ZNF33A: variants seen among roughly 807,000 people sequenced by gnomAD.
ZNF33A encodes zinc finger protein 33A.
ZNF33A carries 9 observed loss-of-function variants against 15.9 expected under a neutral mutation model. That is an observed-to-expected ratio of 0.57 (90% CI 0.34 to 0.99). The LOEUF (loss-of-function observed/expected upper bound fraction) is 0.99. Ranked by LOEUF, ZNF33A falls within the 50% of genes least tolerant of loss-of-function variation. The pLI, the probability that ZNF33A is intolerant of heterozygous loss-of-function variation, is 0.02. For synonymous variants in ZNF33A, 294 were observed against 324.2 expected (o/e 0.91, Z 1.00); for missense variants, 843 against 941.6 (o/e 0.90, Z 1.37).
intron 4 of ZNF33A, among the ~76,000 whole-genome samples, chr10:38,031,941 A>G (rs1038532420): frequency 3.3e-4 from 51 of 152,266 alleles, no homozygotes; most frequent in Non-Finnish European, 6.0e-4. Context: ...CCAGCCTGGC[A>G]ACACAGCAAG....
At chr10:38,041,816 G>T (rs1035687105) in intron 4 of ZNF33A, among the ~76,000 whole-genome samples, 1 of 152,118 alleles carries the variant, frequency 6.6e-6, no homozygotes, top group Non-Finnish European at 1.5e-5. Flanking sequence ...ACCTGTAATT[G>T]TTACTTTATG....
chr10:38,024,099 C>T lies in ZNF33A; in HGVS notation c.250+6713C>T, dbSNP rs1257694083. On this transcript the variant is annotated intron_variant, in intron 4 of 4. Coordinates refer to ENST00000432900, the MANE Select transcript of ZNF33A (RefSeq NM_006954.2). ...CCTGGAAGGTGGAGGTTACGGTGAG[C>T]CGAGATCACGCCATTGCATACCAGC... 2.8e-5 allele frequency among the ~76,000 whole-genome samples: 4 copies of T among 141,094 alleles called. No individual in the cohort carries two copies. The Admixed American group carries it at 3.0e-4, about 11-fold the overall frequency. The allele number at this position is 141,094 out of a possible 152,430, so 92.6% of individuals were successfully genotyped here.
intron 4 of ZNF33A, among the ~76,000 whole-genome samples, chr10:38,048,341 A>G (rs1393419481): frequency 6.6e-6 from 1 of 152,214 alleles, no homozygotes; most frequent in Non-Finnish European, 1.5e-5. Context: ...TATATGACAA[A>G]CATAGCCTAA....
At chr10:38,011,699 T>C (rs1318450716) in intron 1 of ZNF33A, among the ~76,000 whole-genome samples, 1 of 152,240 alleles carries the variant, frequency 6.6e-6, no homozygotes, top group Non-Finnish European at 1.5e-5. Flanking sequence ...TAGGGAAGAC[T>C]AAGTCACATC....
rs757113283 is a variant in ZNF33A, at chr10:38,054,329, A to C, written c.251-46A>C. On this transcript the variant is annotated intron_variant, in intron 4 of 4. Coordinates refer to ENST00000432900, the MANE Select transcript of ZNF33A (RefSeq NM_006954.2). ...TGTTTAGCGATTTCATTCCCTAAGA[A>C]ATGTTTTGGTATTTATGTGGTAAGA... 7 of 1,469,308 alleles carry C rather than the reference A, an allele frequency of 4.8e-6. No homozygotes were observed. The South Asian group carries it at 1.1e-4, about 23-fold the overall frequency. 91.0% of individuals were successfully genotyped at this position (1,469,308 alleles called of 1,614,324 possible).
At chr10:38,063,515 A>G (rs1279367821), downstream of ZNF33A, among the ~76,000 whole-genome samples, 5 of 144,808 alleles carry the variant, frequency 3.5e-5, no homozygotes, top group Non-Finnish European at 7.7e-5. Context: ...TGCTTTGTTC[A>G]GTGATTTCAT....
At chr10:38,051,590 G>A (rs988665766) in intron 4 of ZNF33A, among the ~76,000 whole-genome samples, 5 of 151,888 alleles carry the variant, frequency 3.3e-5, no homozygotes, top group Admixed American at 6.6e-5. Context: ...GATCAATCAA[G>A]ATATCATATT....
intron 4 of ZNF33A, chr10:38,017,617 A>T (rs1408897237): frequency 6.5e-6 from 2 of 305,956 alleles, no homozygotes; most frequent in East Asian, 6.2e-5. Context: ...ACACCTGCCA[A>T]TAGTTCAGTC....
chr10:38,063,886 G>C (rs2066684556), downstream of ZNF33A, among the ~76,000 whole-genome samples: 1 of 152,174 alleles, frequency 6.6e-6, no homozygotes, highest in East Asian at 1.9e-4. Flanking sequence ...GACGATTGCA[G>C]GGAGGAGGTC....
Position 38,057,792 on chromosome 10 carries a change from T to C in ZNF33A, c.*1232T>C, listed in dbSNP as rs2066546122. The C allele has an allele frequency of 2.0e-6, 2 of 985,354 alleles. No homozygotes were observed. Among genetic ancestry groups the C allele is most frequent in the Admixed American group, 6.1e-5 (1 of 16,270 alleles). 61.0% of individuals were successfully genotyped at this position (985,354 alleles called of 1,614,324 possible). On this transcript the variant is annotated 3_prime_UTR_variant, in exon 5 of 5. Coordinates refer to ENST00000432900, the MANE Select transcript of ZNF33A (RefSeq NM_006954.2). ...CATAAGTGGTAGTCCAAATTTTCTT[T>C]AAGCAGCTGCTCTCCAAGACAGGGC...
upstream of ZNF33A, chr10:38,010,660 GC>G: frequency 6.4e-7 from 1 of 1,568,606 alleles, no homozygotes; most frequent in Non-Finnish European, 8.7e-7. Context: ...TGCCTCGTCC[GC>G]CGGCTACGTC....
intron 4 of ZNF33A, among the ~76,000 whole-genome samples, chr10:38,020,626 C>T (rs1366980983): frequency 6.6e-6 from 1 of 152,156 alleles, no homozygotes; most frequent in Non-Finnish European, 1.5e-5. Context: ...TAACATTCTG[C>T]TTCCATTTCC....
chr10:38,031,267 T>C (rs1472133731), intron 4 of ZNF33A, among the ~76,000 whole-genome samples: 1 of 152,108 alleles, frequency 6.6e-6, no homozygotes, highest in Non-Finnish European at 1.5e-5. Flanking sequence ...CAGCTGCATG[T>C]CAGTTTAAGA....
chr10:38,049,790 G>A (rs949800524), intron 4 of ZNF33A, among the ~76,000 whole-genome samples: 6 of 152,098 alleles, frequency 3.9e-5, no homozygotes, highest in South Asian at 4.1e-4. Context: ...CAGAAAAACA[G>A]TTTAGAAAAT....
At chr10:38,067,021 A>G (rs1262536214), downstream of ZNF33A, among the ~76,000 whole-genome samples, 1 of 152,198 alleles carries the variant, frequency 6.6e-6, no homozygotes, top group East Asian at 1.9e-4. Context: ...AATATGACCT[A>G]TTAAAGAACA....
At chr10:38,015,723 G>A (rs2064422450) in intron 2 of ZNF33A, among the ~76,000 whole-genome samples, 1 of 152,126 alleles carries the variant, frequency 6.6e-6, no homozygotes, top group Non-Finnish European at 1.5e-5. Flanking sequence ...CTAGTATCTG[G>A]GCAGCTGTGC....
chr10:38,028,865 G>C (rs61313729), intron 4 of ZNF33A, among the ~76,000 whole-genome samples: 185 of 152,012 alleles, frequency 1.2e-3, no homozygotes, highest in African/African-American at 4.1e-3. Context: ...GTTAACCATG[G>C]GGATTGCTTT....
chr10:38,010,636 G>A (rs1445722570), upstream of ZNF33A: 8 of 1,417,490 alleles, frequency 5.6e-6, no homozygotes, highest in Non-Finnish European at 5.9e-6. Flanking sequence ...AGCTGTGCGC[G>A]TGGGCTCTGC....
chr10:38,060,976 C>G (rs2066648183), downstream of ZNF33A, among the ~76,000 whole-genome samples: 1 of 152,144 alleles, frequency 6.6e-6, no homozygotes, highest in Non-Finnish European at 1.5e-5. Context: ...CAGGTGGTCT[C>G]TGAGGCTCCC....
Sources: allele counts gnomAD v4.1 joint callset (sites outside exome capture counted in the v4.1 genomes callset), GRCh38; gene constraint gnomAD v4.1.1; transcripts MANE v1.5; gene names NCBI Gene and HGNC (gene_info 2026-07-23, HGNC 2026-07-21).